Variants in SIPA1L2 observed in about 807,000 individuals in gnomAD.
SIPA1L2 encodes the protein signal induced proliferation associated 1 like 2.
Under a neutral mutation model 163.9 loss-of-function variants are expected in SIPA1L2, and 56 were observed. The ratio of observed to expected loss-of-function variants is 0.34; its 90% CI spans 0.28 to 0.43. The LOEUF is 0.43. Ranked by LOEUF, SIPA1L2 falls within the 20% of genes least tolerant of loss-of-function variation. The pLI is 1.00. For missense variants in SIPA1L2, 1,974 were observed against 2,193.5 expected, an observed-to-expected ratio of 0.90 and a Z score of 2.00; for synonymous variants, 877 against 865.7, an observed-to-expected ratio of 1.01 and a Z score of -0.23.
intron 3 of SIPA1L2, among the ~76,000 whole-genome samples, chr1:232,508,073 GAT>G (rs1666809982): frequency 6.6e-6 from 1 of 152,120 alleles, no homozygotes; most frequent in African/African-American, 2.4e-5. Flanking sequence ...ATGAAAAAAA[GAT>G]ATAGATTCGT....
At chr1:232,406,992 G>T (rs1660677179) in intron 19 of SIPA1L2, among the ~76,000 whole-genome samples, 1 of 152,152 alleles carries the variant, frequency 6.6e-6, no homozygotes, top group African/African-American at 2.4e-5. Flanking sequence ...TGACTTAACT[G>T]GCCACTAGGA....
At chr1:232,414,103 A>AAGGCAGAC (rs3059622) in intron 19 of SIPA1L2, among the ~76,000 whole-genome samples, 10,432 of 152,232 alleles carry the variant, frequency 0.069, 423 homozygotes, top group Middle Eastern at 0.19. Context: ...GTCTCCCCAC[A>AAGGCAGAC]AGGCAGACAG....
intron 1 of SIPA1L2, among the ~76,000 whole-genome samples, chr1:232,619,888 A>C (rs1040656091): frequency 6.9e-6 from 1 of 145,720 alleles, no homozygotes; most frequent in African/African-American, 2.5e-5. Flanking sequence ...AAATGCTCCA[A>C]ATAGATTTTT....
At chr1:232,405,892 C>T (rs1367421654) in intron 19 of SIPA1L2, among the ~76,000 whole-genome samples, 1 of 152,038 alleles carries the variant, frequency 6.6e-6, no homozygotes, top group African/African-American at 2.4e-5. Flanking sequence ...GATAAAATAC[C>T]CACATATTTA....
At chr1:232,452,889 A>G (rs1297541814) in intron 10 of SIPA1L2, among the ~76,000 whole-genome samples, 1 of 152,234 alleles carries the variant, frequency 6.6e-6, no homozygotes, top group Non-Finnish European at 1.5e-5. Flanking sequence ...AAGTTACATA[A>G]AATATGTAAA....
At chr1:232,477,982 G>A (rs1665132524) in intron 7 of SIPA1L2, among the ~76,000 whole-genome samples, 1 of 152,162 alleles carries the variant, frequency 6.6e-6, no homozygotes, top group Non-Finnish European at 1.5e-5. Context: ...TTCTTGGCTT[G>A]AGTAACCCCT....
intron 2 of SIPA1L2, among the ~76,000 whole-genome samples, chr1:232,573,542 G>T (rs373032591): frequency 8.5e-5 from 13 of 152,296 alleles, no homozygotes; most frequent in Non-Finnish European, 1.8e-4. Context: ...TGTCCTGGGG[G>T]TGGTTACTTC....
chr1:232,514,850 C>T lies in SIPA1L2; in HGVS notation c.490G>A (p.Val164Ile). The T allele has an allele frequency of 6.2e-7, 1 of 1,614,198 alleles. No individual in the cohort carries two copies. The highest frequency in any genetic ancestry group is 2.2e-5 in the East Asian group (1 of 44,876). ...HPIRQRSNSD[V>I]TISDIDAEDV... Reference sequence around the variant, plus strand: ...TCGGCATCAATGTCACTGATAGTGACATCACTATTGCTCCTCTGTCTTATG... The same window carrying T: ...TCGGCATCAATGTCACTGATAGTGATATCACTATTGCTCCTCTGTCTTATG... Residue 164 changes from valine to isoleucine, a missense_variant, in exon 3 of 23, where the codon GTC becomes ATC. Val to Ile is a conservative substitution (Grantham distance 29). Around this residue, in one of 3 missense-constraint regions of SIPA1L2, gnomAD observed 607 missense variants for 624.0 expected, o/e 0.97. Transcript: ENST00000674635.
At chr1:232,491,095 A>G in intron 4 of SIPA1L2, 33 bp from the exon 5 acceptor site, 1 of 1,576,720 alleles carries the variant, frequency 6.3e-7, no homozygotes, top group South Asian at 1.2e-5. Flanking sequence ...TTCGGTTAAT[A>G]TTGATTCTCA....
intron 10 of SIPA1L2, among the ~76,000 whole-genome samples, chr1:232,456,058 T>C (rs1178808289): frequency 6.6e-6 from 1 of 152,012 alleles, no homozygotes; most frequent in Non-Finnish European, 1.5e-5. Flanking sequence ...CGACACGTAA[T>C]TTACCCACGT....
chr1:232,573,266 G>A (rs1022514685), intron 2 of SIPA1L2, among the ~76,000 whole-genome samples: 14 of 152,304 alleles, frequency 9.2e-5, no homozygotes, highest in African/African-American at 2.6e-4. Context: ...CGAGCAAATG[G>A]TAAAACTGGG....
At chr1:232,606,082 A>T (rs1661905643) in intron 1 of SIPA1L2, among the ~76,000 whole-genome samples, 1 of 152,246 alleles carries the variant, frequency 6.6e-6, no homozygotes, top group Non-Finnish European at 1.5e-5. Flanking sequence ...GGACCTCATA[A>T]TCTATTAATA....
chr1:232,551,691 C>G (rs1048191547), intron 2 of SIPA1L2, among the ~76,000 whole-genome samples: 1 of 152,156 alleles, frequency 6.6e-6, no homozygotes, highest in Non-Finnish European at 1.5e-5. Context: ...GGAAGGGTTG[C>G]GCTGGAGCAA....
intron 1 of SIPA1L2, among the ~76,000 whole-genome samples, chr1:232,590,906 C>A (rs997415286): frequency 2.2e-4 from 34 of 152,178 alleles, no homozygotes; most frequent in African/African-American, 7.5e-4. Flanking sequence ...ACAATACAAA[C>A]AGGAAGGACT....
chr1:232,622,418 G>T (rs182577258), intron 1 of SIPA1L2, among the ~76,000 whole-genome samples: 9 of 152,292 alleles, frequency 5.9e-5, no homozygotes, highest in Non-Finnish European at 1.2e-4. Context: ...CCCTGCTAAT[G>T]GACTGAGAGC....
At chr1:232,464,046 T>TA (rs1245235019) in intron 9 of SIPA1L2, among the ~76,000 whole-genome samples, 14 of 150,420 alleles carry the variant, frequency 9.3e-5, no homozygotes, top group South Asian at 2.1e-4. Context: ...CTTTTCTAAT[T>TA]AAAAAAAAAA....
chr1:232,543,764 G>A (rs1657838904), intron 2 of SIPA1L2, among the ~76,000 whole-genome samples: 2 of 152,212 alleles, frequency 1.3e-5, no homozygotes, highest in African/African-American at 4.8e-5. Context: ...AGCTACTTGG[G>A]AGGCTGAGGT....
chr1:232,498,729 T>C (rs981117557), intron 3 of SIPA1L2, among the ~76,000 whole-genome samples: 2 of 152,168 alleles, frequency 1.3e-5, no homozygotes, highest in Non-Finnish European at 2.9e-5. Context: ...CAAATTTCCC[T>C]CTGTTTTCCT....
Position 232,465,553 on chromosome 1 carries a change from C to A in SIPA1L2, c.2244-137G>T, listed in dbSNP as rs1287882701. 1.4e-6 allele frequency: 1 copy of A among 740,378 alleles called. No individual in the cohort carries two copies. Among genetic ancestry groups the A allele is most frequent in the Non-Finnish European group, 2.2e-6 (1 of 460,084 alleles). 45.9% of individuals were successfully genotyped at this position (740,378 alleles called of 1,614,324 possible). ...ACACACATATACATACACACATACA[C>A]ACACACTTTCAACTTAACTGGTTTA... On this transcript the variant is annotated intron_variant, in intron 8 of 22. Transcript: ENST00000674635. This position sits in a 1 kb window ranked among gnomAD's most constrained non-coding sequence, Gnocchi z 4.1.
Sources: gnomAD v4.1 joint callset for allele counts (sites outside exome capture counted in the v4.1 genomes callset) on GRCh38, gnomAD v4.1.1 for gene constraint, gnomAD v4.1.1 regional missense constraint, Gnocchi (gnomAD v3.1) non-coding constraint, MANE v1.5 for transcripts, NCBI Gene and HGNC (gene_info 2026-07-23, HGNC 2026-07-21) for gene names.